The following MEF2A variants were observed in gnomAD, a reference collection of about 807,000 sequenced individuals.
MEF2A encodes myocyte enhancer factor 2A.
A neutral mutation model predicts 55.8 loss-of-function variants in MEF2A; 28 were observed. That is an observed-to-expected ratio of 0.50 (90% confidence interval 0.37 to 0.69). MEF2A has a LOEUF of 0.69. MEF2A is among the 30% of genes least tolerant of loss of function. MEF2A has a pLI of 0.00. For synonymous variants in MEF2A, 239 were observed against 227.1 expected (o/e 1.05, Z -0.47); for missense variants, 528 against 626.2 (o/e 0.84, Z 1.67).
chr15:99,618,815 ATTATTT>A (rs1341045640), intron 2 of MEF2A, among the ~76,000 whole-genome samples: 1 of 152,186 alleles, frequency 6.6e-6, no homozygotes, highest in African/African-American at 2.4e-5. Context: ...TAAGTTTGAA[ATTATTT>A]TTAAAATGCA....
chr15:99,591,317 T>G (rs1283038312), intron 1 of MEF2A, among the ~76,000 whole-genome samples: 1 of 151,686 alleles, frequency 6.6e-6, no homozygotes, highest in South Asian at 2.1e-4. Flanking sequence ...GCTTACAGAG[T>G]TTTTTTTTGT....
At chr15:99,575,080 T>C (rs1238339648) in intron 1 of MEF2A, among the ~76,000 whole-genome samples, 1 of 152,160 alleles carries the variant, frequency 6.6e-6, no homozygotes, top group Non-Finnish European at 1.5e-5. Context: ...TTATTTTTAT[T>C]GTTGAACCAT....
intron 2 of MEF2A, among the ~76,000 whole-genome samples, chr15:99,629,591 G>A (rs35357315): frequency 0.069 from 10,522 of 152,148 alleles, 382 homozygotes; most frequent in East Asian, 0.17. Flanking sequence ...AAAGGAATGT[G>A]AGCTGGTACT....
chr15:99,588,881 A>T (rs1478578804), intron 1 of MEF2A, among the ~76,000 whole-genome samples: 1 of 152,052 alleles, frequency 6.6e-6, no homozygotes, highest in Non-Finnish European at 1.5e-5. Flanking sequence ...TGATTTTTGA[A>T]TACTGAACCA....
intron 5 of MEF2A, among the ~76,000 whole-genome samples, chr15:99,672,640 G>C (rs945991256): frequency 6.6e-6 from 1 of 152,146 alleles, no homozygotes; most frequent in Non-Finnish European, 1.5e-5. Flanking sequence ...ATTACAGGTT[G>C]GGTATTCCTT....
intron 10 of MEF2A, among the ~76,000 whole-genome samples, chr15:99,708,849 G>C (rs1229472381): frequency 6.6e-6 from 1 of 152,164 alleles, no homozygotes; most frequent in East Asian, 1.9e-4. Context: ...GAGAGGGTGT[G>C]CCTGTACAAA....
chr15:99,653,608 T>C (rs137966771), intron 4 of MEF2A, among the ~76,000 whole-genome samples: 11 of 152,302 alleles, frequency 7.2e-5, no homozygotes, highest in East Asian at 1.9e-4. Flanking sequence ...AAATTTGATA[T>C]GGGATTATGG....
intron 2 of MEF2A, among the ~76,000 whole-genome samples, chr15:99,609,342 T>G (rs917984238): frequency 6.6e-6 from 1 of 152,274 alleles, no homozygotes; most frequent in Non-Finnish European, 1.5e-5. Context: ...TAACCTAATT[T>G]AATTCAGAAC....
At chr15:99,601,378 C>G (rs1181429293) in intron 2 of MEF2A, among the ~76,000 whole-genome samples, 3 of 151,888 alleles carry the variant, frequency 2.0e-5, no homozygotes, top group East Asian at 1.9e-4. Flanking sequence ...CCTTTTATTA[C>G]TTTTGCTTGC....
chr15:99,711,287 A>G (rs2058611316), intron 11 of MEF2A, among the ~76,000 whole-genome samples: 2 of 152,194 alleles, frequency 1.3e-5, no homozygotes, highest in South Asian at 4.1e-4. Context: ...AAAACTGGGG[A>G]CAGGGTGTCT....
intron 1 of MEF2A, among the ~76,000 whole-genome samples, chr15:99,572,283 T>C (rs1962663247): frequency 6.6e-6 from 1 of 152,224 alleles, no homozygotes; most frequent in African/African-American, 2.4e-5. Flanking sequence ...TTGCACTTTC[T>C]GTACTCCCTC....
rs149439627 is a variant in MEF2A, at chr15:99,641,694, A to G, written c.55-3867A>G. Among the ~76,000 whole-genome samples the G allele has an allele frequency of 5.5e-3, 831 of 152,278 alleles. 9 individuals are homozygous for G. Among genetic ancestry groups the G allele is most frequent in the East Asian group, 0.054 (281 of 5,174 alleles). On this transcript the variant is annotated intron_variant, in intron 3 of 11. Transcript: ENST00000557942. ...GTCGAGATCGTGCCACTTGCACTCCAGCCTGGGCGACAGAGTGAGACTCTG... is the reference window on the plus strand; with the variant it reads ...GTCGAGATCGTGCCACTTGCACTCCGGCCTGGGCGACAGAGTGAGACTCTG...
intron 8 of MEF2A, among the ~76,000 whole-genome samples, chr15:99,699,165 A>T (rs1197195211): frequency 6.6e-6 from 1 of 152,234 alleles, no homozygotes; most frequent in Non-Finnish European, 1.5e-5. Flanking sequence ...CGTATCTTTC[A>T]TAATTGTGAA....
At chr15:99,602,070 G>T (rs1973276042) in intron 2 of MEF2A, among the ~76,000 whole-genome samples, 1 of 152,100 alleles carries the variant, frequency 6.6e-6, no homozygotes, top group South Asian at 2.1e-4. Context: ...TCAGAAGAAA[G>T]AATTCAACTG....
chr15:99,590,667 T>C (rs1968955877), intron 1 of MEF2A, among the ~76,000 whole-genome samples: 1 of 151,942 alleles, frequency 6.6e-6, no homozygotes, highest in Non-Finnish European at 1.5e-5. Context: ...TATTTGGTAG[T>C]TGCCGTAGGG....
intron 8 of MEF2A, among the ~76,000 whole-genome samples, chr15:99,700,034 A>G (rs1433157618): frequency 7.0e-6 from 1 of 142,564 alleles, no homozygotes; most frequent in African/African-American, 2.6e-5. Flanking sequence ...TAATTTTTGT[A>G]TTTTTAGTAG....
At chr15:99,626,316 A>G (rs1040927661) in intron 2 of MEF2A, among the ~76,000 whole-genome samples, 2 of 151,834 alleles carry the variant, frequency 1.3e-5, no homozygotes, top group Non-Finnish European at 2.9e-5. Context: ...TAATGCCCCC[A>G]CTTTCATTTC....
intron 1 of MEF2A, among the ~76,000 whole-genome samples, chr15:99,585,340 C>A (rs917120135): frequency 6.6e-6 from 1 of 152,090 alleles, no homozygotes; most frequent in East Asian, 1.9e-4. Flanking sequence ...AATCTCGTTT[C>A]GTGAGTGTGT....
intron 2 of MEF2A, among the ~76,000 whole-genome samples, chr15:99,622,298 G>C (rs2041316015): frequency 6.6e-6 from 1 of 152,144 alleles, no homozygotes. Flanking sequence ...TTTAATTGGA[G>C]AGATTCTTTT....
Sources: allele counts gnomAD v4.1 joint callset (sites outside exome capture counted in the v4.1 genomes callset), GRCh38; gene constraint gnomAD v4.1.1; transcripts MANE v1.5; gene names NCBI Gene and HGNC (gene_info 2026-07-23, HGNC 2026-07-21).